CADPS: variants seen among roughly 807,000 people sequenced by gnomAD.
CADPS encodes the protein calcium dependent secretion activator, also known as calcium-dependent secretion activator 1.
In CADPS, 57 loss-of-function variants were observed where a neutral mutation model predicts 167.3. The observed-to-expected ratio is 0.34, with a 90% CI of 0.28 to 0.42. CADPS has a LOEUF of 0.42. Ranked by LOEUF, CADPS falls within the 20% of genes least tolerant of loss-of-function variation. The probability of loss-of-function intolerance (pLI) is 1.00; values close to 1 mark genes in which losing one functional copy is unlikely to be tolerated. For missense variants in CADPS, 1,414 were observed against 1,738.1 expected, an observed-to-expected ratio of 0.81 and a Z score of 3.32; for synonymous variants, 676 against 635.3, an observed-to-expected ratio of 1.06 and a Z score of -0.96.
chr3:62,547,810 G>A (rs1363297012), intron 11 of CADPS, among the ~76,000 whole-genome samples: 1 of 152,002 alleles, frequency 6.6e-6, no homozygotes, highest in Non-Finnish European at 1.5e-5. Flanking sequence ...TCCATGAAGA[G>A]ACATCTCTTC....
At chr3:62,742,416 T>C (rs1174951234) in intron 3 of CADPS, among the ~76,000 whole-genome samples, 1 of 152,132 alleles carries the variant, frequency 6.6e-6, no homozygotes, top group Non-Finnish European at 1.5e-5. Flanking sequence ...ATTGTACTTG[T>C]AGAAAAACAG....
At position 62,723,179 on chromosome 3, in the gene CADPS, G is replaced by A. The variant is rs115523977; in HGVS notation, c.888+30262C>T. ...TTGTAGAAAGTGCTACAAGGGAAAAGTACAGTGCCTTTAGCTAAGATGAAA... is the reference window on the plus strand; with the variant it reads ...TTGTAGAAAGTGCTACAAGGGAAAAATACAGTGCCTTTAGCTAAGATGAAA... On this transcript the variant is annotated intron_variant, in intron 3 of 29. Transcript: ENST00000383710. Among the ~76,000 whole-genome samples the A allele has an allele frequency of 1.5e-3, 232 of 152,302 alleles. 2 individuals carry two copies. Among genetic ancestry groups the A allele is most frequent in the Non-Finnish European group, 2.7e-3 (181 of 68,034 alleles).
At chr3:62,555,464 C>T (rs1475975217) in intron 10 of CADPS, among the ~76,000 whole-genome samples, 4 of 152,218 alleles carry the variant, frequency 2.6e-5, no homozygotes, top group South Asian at 2.1e-4. Flanking sequence ...AGTGCCAAAG[C>T]GTGACATGGG....
chr3:62,419,098 C>T (rs1031273736), intron 28 of CADPS, among the ~76,000 whole-genome samples: 4 of 152,038 alleles, frequency 2.6e-5, no homozygotes, highest in Admixed American at 2.0e-4. Context: ...GCAAGCAAAC[C>T]GGGAAACTGT....
At chr3:62,444,325 G>A (rs1328995059) in intron 27 of CADPS, among the ~76,000 whole-genome samples, 1 of 152,188 alleles carries the variant, frequency 6.6e-6, no homozygotes, top group Non-Finnish European at 1.5e-5. Flanking sequence ...CCACCACCAC[G>A]TGTGTCCTTC....
intron 2 of CADPS, among the ~76,000 whole-genome samples, chr3:62,763,677 A>G (rs1301664725): frequency 6.6e-6 from 1 of 152,098 alleles, no homozygotes; most frequent in Non-Finnish European, 1.5e-5. Flanking sequence ...CAACTTGGAG[A>G]GCTCCCAAGT....
At chr3:62,810,452 T>A (rs2152862446) in intron 1 of CADPS, among the ~76,000 whole-genome samples, 1 of 152,272 alleles carries the variant, frequency 6.6e-6, no homozygotes, top group African/African-American at 2.4e-5. Flanking sequence ...GAGAAGCAGC[T>A]TTTCAAGTAC....
intron 21 of CADPS, among the ~76,000 whole-genome samples, chr3:62,490,381 A>G (rs2063507369): frequency 6.6e-6 from 1 of 152,224 alleles, no homozygotes; most frequent in Non-Finnish European, 1.5e-5. Context: ...TTTTCAAACC[A>G]TCAAACCATA....
chr3:62,434,220 C>T (rs1230050010), intron 28 of CADPS, among the ~76,000 whole-genome samples: 1 of 152,086 alleles, frequency 6.6e-6, no homozygotes, highest in African/African-American at 2.4e-5. Context: ...AACTGTTATT[C>T]TGCAGCAACT....
rs773880192 is a variant in CADPS, at chr3:62,516,123, A to G, written c.2517T>C (p.Arg839=). Residue 839 remains arginine (R), a synonymous_variant, in exon 16 of 30, where the codon CGT becomes CGC. Coordinates refer to ENST00000383710, the MANE Select transcript of CADPS (RefSeq NM_003716.4). Reference sequence around the variant, plus strand: ...CTAACGCAGCCTGTTCCAGACATTTACGGATAACTGTTTTTACCTCCTCTT... The same window carrying G: ...CTAACGCAGCCTGTTCCAGACATTTGCGGATAACTGTTTTTACCTCCTCTT... ...VPQEEVKTVI[R]KCLEQAALVN... is the part of the protein sequence containing the mutation. 1.2e-6 allele frequency: 2 copies of G among 1,613,452 alleles called. No individual in the cohort carries two copies. Among genetic ancestry groups the G allele is most frequent in the South Asian group, 1.1e-5 (1 of 91,056 alleles).
At chr3:62,866,535 C>G (rs78824804) in intron 1 of CADPS, among the ~76,000 whole-genome samples, 3,794 of 151,956 alleles carry the variant, frequency 0.025, 83 homozygotes, top group South Asian at 0.076. Flanking sequence ...TGACTAAGGA[C>G]TTATGGCAAT....
intron 13 of CADPS, 113 bp from the exon 14 acceptor site, chr3:62,518,363 T>A: frequency 1.3e-6 from 1 of 748,414 alleles, no homozygotes; most frequent in Non-Finnish European, 2.2e-6. Flanking sequence ...CAGTGATCGA[T>A]GTGAGCTCAG....
chr3:62,482,583 C>T (rs1382953467), intron 21 of CADPS, among the ~76,000 whole-genome samples: 1 of 152,194 alleles, frequency 6.6e-6, no homozygotes, highest in Admixed American at 6.5e-5. Context: ...GAAATGTTTA[C>T]ACACAGAAAC....
At chr3:62,791,220 T>C (rs550528359) in intron 1 of CADPS, among the ~76,000 whole-genome samples, 7 of 152,326 alleles carry the variant, frequency 4.6e-5, no homozygotes, top group African/African-American at 1.7e-4. Context: ...CTTTTTGGAA[T>C]GGTAGAAGTG....
chr3:62,677,343 G>C (rs541924810), intron 3 of CADPS, among the ~76,000 whole-genome samples: 1 of 151,980 alleles, frequency 6.6e-6, no homozygotes, highest in African/African-American at 2.4e-5. Flanking sequence ...ACCCACAAAG[G>C]TTTAGATTTG....
rs1463147019 is a variant in CADPS, at chr3:62,420,910, A to ACG, written c.3777+17193_3777+17194insCG. On this transcript the variant is annotated intron_variant, in intron 28 of 29. Transcript: ENST00000383710. The surrounding 1 kb of genome is among the most constrained non-coding windows in gnomAD (Gnocchi z 4.1). Reference sequence around the variant, plus strand: ...CACACACACACACACACAGGCACACACACACACACTTGCCAGATCACTTAC... The same window carrying ACG: ...CACACACACACACACACAGGCACACACGCACACACACTTGCCAGATCACTTAC... Among the ~76,000 whole-genome samples the ACG allele has an allele frequency of 4.4e-5, 6 of 137,448 alleles. No homozygotes were observed. The highest frequency in any genetic ancestry group is 1.8e-4 in the African/African-American group (6 of 34,230). 90.2% of individuals were successfully genotyped at this position (137,448 alleles called of 152,430 possible).
At chr3:62,676,146 A>G (rs951986104) in intron 3 of CADPS, among the ~76,000 whole-genome samples, 1 of 152,178 alleles carries the variant, frequency 6.6e-6, no homozygotes, top group Admixed American at 6.6e-5. Context: ...ACATTCCTAG[A>G]CACAGAATTG....
chr3:62,712,486 C>CT (rs1456870852), intron 3 of CADPS, among the ~76,000 whole-genome samples: 1 of 152,160 alleles, frequency 6.6e-6, no homozygotes, highest in Non-Finnish European at 1.5e-5. Flanking sequence ...CATGTTTGTA[C>CT]TTATTCAATG....
At chr3:62,743,667 T>C (rs2080814828) in intron 3 of CADPS, among the ~76,000 whole-genome samples, 1 of 152,166 alleles carries the variant, frequency 6.6e-6, no homozygotes, top group Admixed American at 6.6e-5. Context: ...ACTGCAGGGC[T>C]TTGTTAACTA....
Sources: allele counts gnomAD v4.1 joint callset (sites outside exome capture counted in the v4.1 genomes callset), GRCh38; gene constraint gnomAD v4.1.1; non-coding constraint Gnocchi (gnomAD v3.1); transcripts MANE v1.5; gene names NCBI Gene and HGNC (gene_info 2026-07-23, HGNC 2026-07-21).